Variants in PKNOX2 observed in about 807,000 individuals in gnomAD.
PKNOX2 encodes homeobox protein PKNOX2.
A neutral mutation model predicts 53.1 loss-of-function variants in PKNOX2; 14 were observed. The ratio of observed to expected loss-of-function variants is 0.26; its 90% CI spans 0.17 to 0.41. The LOEUF is 0.41. PKNOX2 is among the 10% of genes least tolerant of loss of function. PKNOX2 has a pLI of 1.00. For synonymous variants in PKNOX2, 257 were observed against 242.8 expected (o/e 1.06, Z -0.54); for missense variants, 496 against 602.8 (o/e 0.82, Z 1.85).
intron 1 of PKNOX2, among the ~76,000 whole-genome samples, chr11:125,212,147 C>T (rs1188012419): frequency 2.0e-5 from 3 of 152,118 alleles, no homozygotes; most frequent in South Asian, 2.1e-4. Context: ...TATAGACTCA[C>T]GGCTTCTCTG....
intron 4 of PKNOX2, among the ~76,000 whole-genome samples, chr11:125,356,691 G>T (rs1258201064): frequency 6.6e-6 from 1 of 152,230 alleles, no homozygotes; most frequent in African/African-American, 2.4e-5. Flanking sequence ...GTCTCTCTGG[G>T]CACCTTCTTT....
intron 4 of PKNOX2, 55 bp downstream of exon 4, chr11:125,351,447 T>G (rs1951314714): frequency 1.7e-6 from 2 of 1,163,024 alleles, no homozygotes; most frequent in Admixed American, 3.9e-5. Context: ...GTGGTGGCCT[T>G]AGAGCCCCAG....
At chr11:125,297,774 C>G (rs1419712731) in intron 2 of PKNOX2, among the ~76,000 whole-genome samples, 1 of 152,204 alleles carries the variant, frequency 6.6e-6, no homozygotes, top group Non-Finnish European at 1.5e-5. Flanking sequence ...AACACAGTCT[C>G]TCTCCCCGCA....
intron 2 of PKNOX2, among the ~76,000 whole-genome samples, chr11:125,310,145 A>G (rs1410957151): frequency 1.3e-5 from 2 of 152,180 alleles, no homozygotes; most frequent in Non-Finnish European, 2.9e-5. Flanking sequence ...TTAGTTTGAC[A>G]TGACTGTTTT....
In PKNOX2 at chr11:125,165,255, C is replaced by A. The variant is rs1361555764; in HGVS notation, c.-201+479C>A. ...CGGACTCGAATCGCCGCGGGCCCAA[C>A]CCCGTAGCGGGCGGGCGGGGAGCTG... On this transcript the variant is annotated intron_variant, in intron 1 of 12. Coordinates refer to ENST00000298282, the MANE Select transcript of PKNOX2 (RefSeq NM_001382323.2). The surrounding 1 kb of genome is among the most constrained non-coding windows in gnomAD (Gnocchi z 4.5). Among the ~76,000 whole-genome samples the A allele has an allele frequency of 6.6e-6, 1 of 151,932 alleles. No individual in the cohort carries two copies. Among genetic ancestry groups the A allele is most frequent in the African/African-American group, 2.4e-5 (1 of 41,426 alleles).
In PKNOX2 at chr11:125,396,579, T is replaced by TA. The variant is rs1403174317; in HGVS notation, c.400-1295_400-1294insA. On this transcript the variant is annotated intron_variant, in intron 6 of 12. Transcript: ENST00000298282. ...ATCCTAAAGAATAATGCAGAAACTTTTAAAAAAAAAAAAAAAAAGCTATAA... is the reference window on the plus strand; with the variant it reads ...ATCCTAAAGAATAATGCAGAAACTTTATAAAAAAAAAAAAAAAAAGCTATAA... Among the ~76,000 whole-genome samples, 953 of 123,868 alleles carry TA rather than the reference T, an allele frequency of 7.7e-3. 32 individuals are homozygous for TA. Among genetic ancestry groups the TA allele is most frequent in the Admixed American group, 0.053 (663 of 12,478 alleles). The allele number at this position is 123,868 out of a possible 152,430, so 81.3% of individuals were successfully genotyped here.
intron 6 of PKNOX2, among the ~76,000 whole-genome samples, chr11:125,391,546 T>G (rs1954053257): frequency 6.6e-6 from 1 of 152,230 alleles, no homozygotes; most frequent in Non-Finnish European, 1.5e-5. Flanking sequence ...GGTATTATTG[T>G]CATCCTAAAT....
intron 2 of PKNOX2, among the ~76,000 whole-genome samples, chr11:125,317,618 G>A (rs1949281470): frequency 6.6e-6 from 1 of 152,202 alleles, no homozygotes; most frequent in African/African-American, 2.4e-5. Flanking sequence ...TTGTTTCTGA[G>A]CAGTAGGTCT....
chr11:125,428,069 C>T (rs1460086510), intron 10 of PKNOX2, among the ~76,000 whole-genome samples: 1 of 152,188 alleles, frequency 6.6e-6, no homozygotes, highest in Non-Finnish European at 1.5e-5. Context: ...GAGTGCTGTG[C>T]TTTTGCTTTC....
chr11:125,207,797 G>A (rs1473318986), intron 1 of PKNOX2, among the ~76,000 whole-genome samples: 1 of 152,028 alleles, frequency 6.6e-6, no homozygotes, highest in East Asian at 1.9e-4. Flanking sequence ...GGCATGGCTG[G>A]CTGTGCCAAA....
intron 2 of PKNOX2, among the ~76,000 whole-genome samples, chr11:125,262,409 AG>A (rs1333743643): frequency 6.6e-6 from 1 of 150,822 alleles, no homozygotes; most frequent in Non-Finnish European, 1.5e-5. Flanking sequence ...TCTCTGGCTG[AG>A]GGGGTGTTTG....
chr11:125,363,604 A>G (rs1052630712), intron 4 of PKNOX2, among the ~76,000 whole-genome samples: 2 of 152,102 alleles, frequency 1.3e-5, no homozygotes, highest in African/African-American at 4.8e-5. Context: ...CTAATGGCCT[A>G]CCTGTCCCTG....
intron 1 of PKNOX2, among the ~76,000 whole-genome samples, chr11:125,208,693 A>G (rs2135435760): frequency 6.6e-6 from 1 of 152,224 alleles, no homozygotes; most frequent in South Asian, 2.1e-4. Flanking sequence ...GGTGAGAGGT[A>G]GAAGAGAGTT....
At chr11:125,321,217 C>T (rs985128513) in intron 2 of PKNOX2, among the ~76,000 whole-genome samples, 4 of 152,188 alleles carry the variant, frequency 2.6e-5, no homozygotes, top group Non-Finnish European at 5.9e-5. Flanking sequence ...TAACCCAGAG[C>T]AGAGATCAGC....
chr11:125,306,341 C>G (rs1177115983), intron 2 of PKNOX2, among the ~76,000 whole-genome samples: 1 of 152,186 alleles, frequency 6.6e-6, no homozygotes, highest in African/African-American at 2.4e-5. Context: ...CAGGGCAGCC[C>G]CCCACCCCCC....
intron 2 of PKNOX2, chr11:125,239,920 G>A (rs987167840): frequency 3.9e-5 from 6 of 152,356 alleles, no homozygotes; most frequent in South Asian, 2.1e-4. Context: ...TGGAGGATTC[G>A]GATTCAGGCT....
chr11:125,258,296 G>A (rs554303543), intron 2 of PKNOX2, among the ~76,000 whole-genome samples: 1 of 152,180 alleles, frequency 6.6e-6, no homozygotes, highest in South Asian at 2.1e-4. Context: ...ACTCCGGGAA[G>A]TTTAATTTGT....
intron 2 of PKNOX2, among the ~76,000 whole-genome samples, chr11:125,251,630 G>A (rs1447790128): frequency 6.6e-6 from 1 of 151,874 alleles, no homozygotes; most frequent in Non-Finnish European, 1.5e-5. Context: ...TGGGGTGCAG[G>A]GGAGCAAGAG....
At chr11:125,400,738 C>A (rs1466779957) in intron 7 of PKNOX2, among the ~76,000 whole-genome samples, 2 of 152,214 alleles carry the variant, frequency 1.3e-5, no homozygotes, top group Non-Finnish European at 2.9e-5. Flanking sequence ...TTCCTGCACT[C>A]CACTAACTGG....
Sources: allele counts gnomAD v4.1 joint callset (sites outside exome capture counted in the v4.1 genomes callset), GRCh38; gene constraint gnomAD v4.1.1; non-coding constraint Gnocchi (gnomAD v3.1); transcripts MANE v1.5; gene names NCBI Gene and HGNC (gene_info 2026-07-23, HGNC 2026-07-21).